Variants in ZNF18 observed in about 807,000 individuals in gnomAD.
ZNF18 encodes the protein zinc finger protein 18.
Under a neutral mutation model 58.1 loss-of-function variants are expected in ZNF18, and 42 were observed. The observed-to-expected ratio is 0.72, with a 90% CI of 0.56 to 0.93. The LOEUF (loss-of-function observed/expected upper bound fraction) is 0.93. ZNF18 is among the 40% of genes least tolerant of loss of function. The pLI is 0.00. For synonymous variants in ZNF18, 231 were observed against 239.8 expected (o/e 0.96, Z 0.34); for missense variants, 540 against 644.2 (o/e 0.84, Z 1.75).
chr17:11,986,222 T>C (rs1163267652), intron 4 of ZNF18, among the ~76,000 whole-genome samples: 9 of 152,242 alleles, frequency 5.9e-5, no homozygotes, highest in East Asian at 3.8e-4. Flanking sequence ...TCCACCATGA[T>C]TGGGGGCCTC....
At chr17:11,993,321 T>C (rs1968253337) in intron 1 of ZNF18, among the ~76,000 whole-genome samples, 1 of 152,164 alleles carries the variant, frequency 6.6e-6, no homozygotes, top group Non-Finnish European at 1.5e-5. Context: ...TAAAAGCTAA[T>C]GCCTACATGC....
chr17:12,003,858 C>T, the ZNF18 span, among the ~76,000 whole-genome samples: 23 of 152,282 alleles, frequency 1.5e-4, no homozygotes, highest in South Asian at 4.6e-3. Flanking sequence ...TTAGTTTGCA[C>T]ATATGTTGAA....
chr17:12,001,120 C>CTAT (rs1173372586), upstream of ZNF18, among the ~76,000 whole-genome samples: 1 of 152,078 alleles, frequency 6.6e-6, no homozygotes, highest in African/African-American at 2.4e-5. Context: ...TCTGGGTACT[C>CTAT]ACATAATCTA....
Position 11,992,554 on chromosome 17 carries a change from G to T in ZNF18, c.276C>A (p.Ile92=). The change falls in exon 2 of 7, where the codon ATC becomes ATA. Residue 92 remains isoleucine, a synonymous_variant. Transcript: ENST00000580306. ...CCCACATCTGGATCTCCCCAGGCAG[G>T]ATGGTCAGAAACTGCTCCAACATGA... ...EILMLEQFLT[I]LPGEIQMWVR... 6.2e-7 allele frequency: 1 copy of T among 1,614,208 alleles called. No individual in the cohort carries two copies. Among genetic ancestry groups the T allele is most frequent in the East Asian group, 2.2e-5 (1 of 44,882 alleles).
At chr17:12,007,269 G>T in the ZNF18 span, among the ~76,000 whole-genome samples, 1 of 152,148 alleles carries the variant, frequency 6.6e-6, no homozygotes, top group African/African-American at 2.4e-5. Flanking sequence ...GCCTTCAGAT[G>T]CAGATTTGGG....
At chr17:12,004,415 A>C in the ZNF18 span, among the ~76,000 whole-genome samples, 2 of 152,178 alleles carry the variant, frequency 1.3e-5, no homozygotes, top group East Asian at 3.9e-4. Context: ...TAACAAAATA[A>C]TCTCAGTTTG....
rs1967116336 is a variant in ZNF18, at chr17:11,978,323, T to C, written c.1284A>G (p.Arg428=). ...YRNSQLIFHQ[R]THTGETYFQC... is the part of the protein sequence containing the mutation. ...GAAAGTATGTCTCTCCGGTGTGAGTTCTTTGGTGAAAAATAAGCTGAGAAT... is the reference window on the plus strand; with the variant it reads ...GAAAGTATGTCTCTCCGGTGTGAGTCCTTTGGTGAAAAATAAGCTGAGAAT... Residue 428 remains arginine, a synonymous_variant, in exon 7 of 7, where the codon AGA becomes AGG. Coordinates refer to ENST00000580306, the MANE Select transcript of ZNF18 (RefSeq NM_001303281.2). 1 of 1,591,802 alleles carries C rather than the reference T, an allele frequency of 6.3e-7. No individual in the cohort carries two copies. Among genetic ancestry groups the C allele is most frequent in the Non-Finnish European group, 8.5e-7 (1 of 1,171,372 alleles).
rs1312663563 is a variant in ZNF18, at chr17:11,983,392, G to A, written c.767C>T (p.Pro256Leu). 2.5e-6 allele frequency: 4 copies of A among 1,613,836 alleles called. No homozygotes were observed. Among genetic ancestry groups the A allele is most frequent in the Non-Finnish European group, 3.4e-6 (4 of 1,179,772 alleles). Residue 256 changes from proline to leucine, a missense_variant, in exon 6 of 7, where the codon CCC (proline) becomes CTC (leucine). Pro to Leu is a moderately conservative substitution (Grantham distance 98). Transcript: ENST00000580306. ...TATTGAATTAGTCAGGTCAGATTTG[G>A]GATGGGAAATGCCTGCTATAGAGAG... ...KMVSGAGISHPKSDLTNSIEF... is the reference protein window; with the variant it reads ...KMVSGAGISHLKSDLTNSIEF...
At chr17:11,983,785 C>T (rs78850208) in intron 5 of ZNF18, among the ~76,000 whole-genome samples, 1,637 of 152,210 alleles carry the variant, frequency 0.011, 32 homozygotes, top group African/African-American at 0.038. Flanking sequence ...CACTTATGAG[C>T]TATGTGGCAG....
chr17:12,018,459 C>T, the ZNF18 span, among the ~76,000 whole-genome samples: 2 of 152,166 alleles, frequency 1.3e-5, no homozygotes, highest in African/African-American at 4.8e-5. Flanking sequence ...TGTGTGTCTG[C>T]ATCCTAATCT....
At chr17:12,019,211 G>A in the ZNF18 span, among the ~76,000 whole-genome samples, 2 of 151,706 alleles carry the variant, frequency 1.3e-5, no homozygotes, top group Non-Finnish European at 2.9e-5. Flanking sequence ...TAATCCACCC[G>A]CCTTGGCCTC....
intron 4 of ZNF18, among the ~76,000 whole-genome samples, chr17:11,987,974 A>G (rs1967860947): frequency 6.6e-6 from 1 of 152,168 alleles, no homozygotes; most frequent in South Asian, 2.1e-4. Flanking sequence ...CTATTTTCAT[A>G]TTCACGCTAC....
chr17:12,002,805 T>G, the ZNF18 span, among the ~76,000 whole-genome samples: 1 of 152,152 alleles, frequency 6.6e-6, no homozygotes, highest in Non-Finnish European at 1.5e-5. Context: ...TCAACAAAAA[T>G]TCCCTGGAAC....
chr17:11,983,508 G>A, intron 5 of ZNF18, 101 bp from the exon 6 acceptor site: 1 of 858,388 alleles, frequency 1.2e-6, no homozygotes, highest in Non-Finnish European at 1.9e-6. Context: ...GGGAAAATAT[G>A]AAGGCTCTGG....
chr17:12,021,380 C>T, the ZNF18 span: 121 of 153,240 alleles, frequency 7.9e-4, no homozygotes, highest in Non-Finnish European at 1.4e-3. Flanking sequence ...TGCGGCGGAG[C>T]GGGAGGGGCG....
the ZNF18 span, among the ~76,000 whole-genome samples, chr17:12,007,499 C>T: frequency 2.6e-5 from 4 of 152,140 alleles, no homozygotes; most frequent in Admixed American, 6.5e-5. Flanking sequence ...TGATGCTGCC[C>T]GTGGCCTCCT....
the ZNF18 span, chr17:12,011,079 T>G: frequency 1.1e-5 from 8 of 726,388 alleles, no homozygotes; most frequent in African/African-American, 5.2e-5. Context: ...CATTCCTTTT[T>G]GAACAGTACT....
At chr17:12,008,432 T>A in the ZNF18 span, among the ~76,000 whole-genome samples, 1 of 152,120 alleles carries the variant, frequency 6.6e-6, no homozygotes, top group Non-Finnish European at 1.5e-5. Flanking sequence ...ATTCTTGGGC[T>A]CAAGGGATCC....
Position 11,992,758 on chromosome 17 carries a change from T to G in ZNF18, c.72A>C (p.Ser24=). ...CCTCTTGAAGGGCAGCATCTGATTC[T>G]GAGAACTGGGAGTCCTCGGCCTTCG... ...SLAKAEDSQF[S]ESDAALQEEL... Residue 24 remains serine, a synonymous_variant, in exon 2 of 7, where the codon TCA becomes TCC. Coordinates refer to ENST00000580306, the MANE Select transcript of ZNF18 (RefSeq NM_001303281.2). 6.2e-7 allele frequency: 1 copy of G among 1,614,248 alleles called. No individual in the cohort carries two copies. The highest frequency in any genetic ancestry group is 2.2e-5 in the East Asian group (1 of 44,884).
Sources: allele counts gnomAD v4.1 joint callset (sites outside exome capture counted in the v4.1 genomes callset), GRCh38; gene constraint gnomAD v4.1.1; transcripts MANE v1.5; gene names NCBI Gene and HGNC (gene_info 2026-07-23, HGNC 2026-07-21).